Variants in ATP11C observed in about 807,000 individuals in gnomAD.
ATP11C encodes ATPase phospholipid transporting 11C (ATP11C blood group).
A neutral mutation model predicts 97.4 loss-of-function variants in ATP11C; 36 were observed. The ratio of observed to expected loss-of-function variants is 0.37; its 90% CI spans 0.28 to 0.49. ATP11C has a LOEUF of 0.49. ATP11C is among the 20% of genes least tolerant of loss of function. The pLI is 0.98. For missense variants in ATP11C, 730 were observed against 824.6 expected (o/e 0.89, Z 1.40); for synonymous variants, 275 against 290.9 (o/e 0.95, Z 0.56).
intron 1 of ATP11C, among the ~76,000 whole-genome samples, chrX:139,878,572 A>T (rs2084513571): frequency 8.9e-6 from 1 of 112,136 alleles, no homozygotes. Context: ...ACCTACAAAA[A>T]ATCTGTTAGG....
chrX:139,761,431 C>T (rs1162018198), intron 22 of ATP11C, among the ~76,000 whole-genome samples: 1 of 111,643 alleles, frequency 9.0e-6, no homozygotes, highest in Non-Finnish European at 1.9e-5. Flanking sequence ...CAAAGTGTTA[C>T]CACTGGTTCT....
rs2148206161 is a variant in ATP11C at position 139,932,962 on chromosome X, T to A, written c.-920A>T. The A allele has an allele frequency of 8.9e-6, 1 of 112,272 alleles. No homozygotes were observed. The highest frequency in any genetic ancestry group is 3.2e-5 in the African/African-American group (1 of 30,934). The allele number at this position is 112,272 out of a possible 1,213,427, so 9.3% of individuals were successfully genotyped here. A position where few individuals can be genotyped will look rare whatever the true frequency, so the allele number is the denominator to read the frequency against. On this transcript the variant is annotated 5_prime_UTR_variant, in exon 1 of 30. Transcript: ENST00000682941. The stretch of plus-strand genomic sequence containing the variant: ...CCGCTGTACTCCCACCTACGCGGCT[T>A]TCCCTCCTCTCAGTCTTTCTCTCGT...
intron 1 of ATP11C, among the ~76,000 whole-genome samples, chrX:139,859,363 G>A (rs1402665296): frequency 8.9e-6 from 1 of 111,755 alleles, no homozygotes; most frequent in Non-Finnish European, 1.9e-5. Flanking sequence ...ACAAAGAAAT[G>A]ATAAATGTTT....
intron 2 of ATP11C, among the ~76,000 whole-genome samples, chrX:139,820,417 AAAAT>A (rs1026987862): frequency 1.8e-5 from 2 of 110,387 alleles, no homozygotes; most frequent in African/African-American, 3.3e-5. Context: ...AATAAATAAT[AAAAT>A]AAATAAATAA....
At chrX:139,924,239 C>T (rs1443976857) in intron 1 of ATP11C, 2 of 380,911 alleles carry the variant, frequency 5.3e-6, no homozygotes, top group African/African-American at 5.1e-5. Flanking sequence ...ATCAATTTAC[C>T]ACCGGCAGGC....
chrX:139,776,456 A>C (rs2082350759), intron 18 of ATP11C, among the ~76,000 whole-genome samples: 1 of 111,937 alleles, frequency 8.9e-6, no homozygotes, highest in Non-Finnish European at 1.9e-5. Flanking sequence ...CTGCAGCCAC[A>C]ATGTAACCAG....
At chrX:139,755,909 G>A (rs1393763766) in intron 23 of ATP11C, among the ~76,000 whole-genome samples, 1 of 112,326 alleles carries the variant, frequency 8.9e-6, no homozygotes, top group Non-Finnish European at 1.9e-5. Context: ...TCTGGACACA[G>A]GAGCTGGCAA....
intron 1 of ATP11C, among the ~76,000 whole-genome samples, chrX:139,875,592 G>C (rs1364312267): frequency 3.6e-5 from 4 of 110,056 alleles, no homozygotes; most frequent in African/African-American, 1.3e-4. Context: ...GTAAGACCCT[G>C]TCTCAAAAAA....
intron 1 of ATP11C, among the ~76,000 whole-genome samples, chrX:139,897,931 C>CA (rs376963849): frequency 0.026 from 1,903 of 72,466 alleles, 18 homozygotes; most frequent in Non-Finnish European, 0.04. Flanking sequence ...AACCCTGTGT[C>CA]AAAAAAAAAA....
At chrX:139,858,217 C>G (rs2084124863) in intron 1 of ATP11C, among the ~76,000 whole-genome samples, 1 of 112,546 alleles carries the variant, frequency 8.9e-6, no homozygotes, top group African/African-American at 3.2e-5. Context: ...ACTACCCAGT[C>G]TGTTAGAGCA....
intron 1 of ATP11C, among the ~76,000 whole-genome samples, chrX:139,835,956 G>C (rs1346439096): frequency 2.0e-5 from 2 of 99,091 alleles, no homozygotes; most frequent in Non-Finnish European, 4.0e-5. Flanking sequence ...GAACCCGGGA[G>C]GCGGAGGTTG....
At chrX:139,787,883 A>G (rs1488740530) in intron 14 of ATP11C, among the ~76,000 whole-genome samples, 1 of 112,397 alleles carries the variant, frequency 8.9e-6, no homozygotes, top group East Asian at 2.8e-4. Flanking sequence ...CACCTCAGAA[A>G]TAACATGTGT....
chrX:139,834,679 T>G (rs970564499), intron 1 of ATP11C, among the ~76,000 whole-genome samples: 2 of 112,211 alleles, frequency 1.8e-5, no homozygotes, highest in Non-Finnish European at 1.9e-5. Context: ...TTGTTAAATT[T>G]TAATGTGCCT....
intron 18 of ATP11C, among the ~76,000 whole-genome samples, chrX:139,781,690 C>T (rs755189980): frequency 1.8e-5 from 2 of 111,160 alleles, no homozygotes; most frequent in South Asian, 7.6e-4. Context: ...GCACTCCAGC[C>T]TGGGCGACAG....
intron 24 of ATP11C, 92 bp downstream of exon 24, chrX:139,749,933 A>G: frequency 1.1e-6 from 1 of 909,470 alleles, no homozygotes; most frequent in East Asian, 3.2e-5. Flanking sequence ...CCACAAACCA[A>G]GTGCACAGTT....
Position 139,932,987 on chromosome X carries a change from TCCTG to T in ATP11C, c.-949_-946del, listed in dbSNP as rs1056691465. 4 of 112,577 alleles carry T rather than the reference TCCTG, an allele frequency of 3.6e-5. No individual in the cohort carries two copies. Among genetic ancestry groups the T allele is most frequent in the African/African-American group, 1.3e-4 (4 of 30,967 alleles). The allele number at this position is 112,577 out of a possible 1,213,427, so 9.3% of individuals were successfully genotyped here. A position where few individuals can be genotyped will look rare whatever the true frequency, so the allele number is the denominator to read the frequency against. On this transcript the variant is annotated 5_prime_UTR_variant, in exon 1 of 30. Transcript: ENST00000682941. ...TTCCCTCCTCTCAGTCTTTCTCTCG[TCCTG>T]CCTGCCCACCTAAGCCTTCTTACTT... is the stretch of plus-strand genomic sequence containing the variant.
intron 1 of ATP11C, among the ~76,000 whole-genome samples, chrX:139,916,438 T>A (rs1309807147): frequency 9.0e-6 from 1 of 111,275 alleles, no homozygotes. Flanking sequence ...CTTACCTTCA[T>A]GGAGCATACT....
At chrX:139,832,317 A>G (rs1332462961) in intron 1 of ATP11C, 9 of 1,118,996 alleles carry the variant, frequency 8.0e-6, no homozygotes. Flanking sequence ...AAGTGAGCCA[A>G]TTATGGCTTG....
At chrX:139,924,758 A>G (rs1293261111) in intron 1 of ATP11C, among the ~76,000 whole-genome samples, 1 of 111,555 alleles carries the variant, frequency 9.0e-6, no homozygotes, top group Non-Finnish European at 1.9e-5. Context: ...CATTTCACAC[A>G]AGTTGTCAAA....
Sources: allele counts gnomAD v4.1 joint callset (sites outside exome capture counted in the v4.1 genomes callset), GRCh38; gene constraint gnomAD v4.1.1; transcripts MANE v1.5; gene names NCBI Gene and HGNC (gene_info 2026-07-23, HGNC 2026-07-21).